RYR2: variants seen among roughly 807,000 people sequenced by gnomAD.
RYR2 encodes cardiac muscle ryanodine receptor-calcium release channel.
A neutral mutation model predicts 601.1 loss-of-function variants in RYR2; 227 were observed. That is an observed-to-expected ratio of 0.38 (90% CI 0.34 to 0.42). The LOEUF (loss-of-function observed/expected upper bound fraction) is 0.42, where lower values mean the gene tolerates loss of function less well. Among genes scored for constraint, RYR2 ranks in the 10% least tolerant of loss-of-function variants. The pLI, the probability that RYR2 is intolerant of heterozygous loss-of-function variation, is 1.00. For missense variants in RYR2, 4,646 were observed against 6,156.5 expected, an observed-to-expected ratio of 0.75 and a Z score of 8.21; for synonymous variants, 2,223 against 2,175.1, an observed-to-expected ratio of 1.02 and a Z score of -0.61.
At position 237,828,409 on chromosome 1, in the gene RYR2, A is replaced by G. The variant is rs760442209; in HGVS notation, c.14619A>G (p.Leu4873=). The G allele has an allele frequency of 6.4e-7, 1 of 1,567,124 alleles. No individual in the cohort carries two copies. The highest frequency in any genetic ancestry group is 1.2e-5 in the South Asian group (1 of 84,998). The change falls in exon 102 of 105, where the codon CTA becomes CTG. Residue 4873 remains leucine (L), a synonymous_variant. Transcript: ENST00000366574. The part of the protein sequence containing the change: ...QGLIIDAFGE[L]RDQQEQVKED... ...TAATTATTGATGCTTTTGGAGAACTAAGAGACCAACAGGAACAAGTCAAAG... is the reference window on the plus strand; with the variant it reads ...TAATTATTGATGCTTTTGGAGAACTGAGAGACCAACAGGAACAAGTCAAAG...
intron 97 of RYR2, among the ~76,000 whole-genome samples, chr1:237,801,341 G>A (rs2149416793): frequency 7.6e-6 from 1 of 131,090 alleles, no homozygotes; most frequent in Non-Finnish European, 1.5e-5. Flanking sequence ...GACCAGCCTG[G>A]CCAACATGAT....
intron 3 of RYR2, among the ~76,000 whole-genome samples, chr1:237,334,373 T>C (rs1293440436): frequency 6.6e-6 from 1 of 151,764 alleles, no homozygotes; most frequent in Non-Finnish European, 1.5e-5. Context: ...ACTCATATTT[T>C]TGTGGCACCA....
intron 84 of RYR2, among the ~76,000 whole-genome samples, chr1:237,768,378 G>C (rs2250036): frequency 6.6e-6 from 1 of 151,896 alleles, no homozygotes; most frequent in Non-Finnish European, 1.5e-5. Flanking sequence ...GACAGGGTAC[G>C]TGTTATCTTT....
chr1:237,491,314 G>A (rs1663311806), intron 17 of RYR2, among the ~76,000 whole-genome samples: 1 of 152,098 alleles, frequency 6.6e-6, no homozygotes, highest in Admixed American at 6.5e-5. Flanking sequence ...GGATTGGGAT[G>A]CACTGTTGCA....
intron 1 of RYR2, among the ~76,000 whole-genome samples, chr1:237,206,193 C>T (rs531611738): frequency 4.6e-5 from 7 of 152,216 alleles, no homozygotes; most frequent in South Asian, 4.1e-4. Context: ...CCAGGGGGAC[C>T]GTGAGCCACT....
At chr1:237,205,213 G>T (rs1350008702) in intron 1 of RYR2, among the ~76,000 whole-genome samples, 1 of 152,222 alleles carries the variant, frequency 6.6e-6, no homozygotes, top group Non-Finnish European at 1.5e-5. Flanking sequence ...AATGGGCTAC[G>T]CTGGTTGGTG....
chr1:237,761,344 A>T (rs142668998), intron 84 of RYR2, among the ~76,000 whole-genome samples: 9 of 152,320 alleles, frequency 5.9e-5, no homozygotes, highest in Non-Finnish European at 1.2e-4. Context: ...CATAAACCAC[A>T]TAGATGAACC....
intron 63 of RYR2, among the ~76,000 whole-genome samples, chr1:237,694,417 A>G (rs1053218569): frequency 1.3e-5 from 2 of 152,180 alleles, no homozygotes; most frequent in Non-Finnish European, 2.9e-5. Context: ...GCAATCTGTA[A>G]CTATTTTCTT....
chr1:237,580,274 A>G (rs1253201699), intron 29 of RYR2, among the ~76,000 whole-genome samples: 2 of 148,186 alleles, frequency 1.3e-5, no homozygotes, highest in East Asian at 2.0e-4. Flanking sequence ...TCCTGCTTCA[A>G]CCTCCTGAGT....
At chr1:237,400,544 C>T (rs184815612) in intron 10 of RYR2, among the ~76,000 whole-genome samples, 18 of 152,100 alleles carry the variant, frequency 1.2e-4, no homozygotes, top group African/African-American at 3.9e-4. Context: ...TACTGCTTTA[C>T]CAAGAATGAT....
In RYR2 at chr1:237,593,581, A is replaced by G. The variant is rs778794737; in HGVS notation, c.4381A>G (p.Arg1461Gly). The G allele has an allele frequency of 1.9e-6, 3 of 1,613,844 alleles. No homozygotes were observed. Among genetic ancestry groups the G allele is most frequent in the Non-Finnish European group, 2.5e-6 (3 of 1,179,852 alleles). Residue 1461 changes from arginine to glycine, a missense_variant, in exon 33 of 105, where the codon AGA becomes GGA. Arg to Gly is a moderately radical substitution (Grantham distance 125, BLOSUM62 -2). Coordinates refer to ENST00000366574, the MANE Select transcript of RYR2 (RefSeq NM_001035.3). Reference protein sequence around the residue: ...HQYDTGFDLDRVRTVTVTLGD... With the variant: ...HQYDTGFDLDGVRTVTVTLGD... Reference sequence around the variant, plus strand: ...GTATGACACAGGCTTTGACTTGGACAGAGTTCGCACAGTAACAGTTACTCT... The same window carrying G: ...GTATGACACAGGCTTTGACTTGGACGGAGTTCGCACAGTAACAGTTACTCT...
chr1:237,243,083 C>T (rs959730202), intron 1 of RYR2, among the ~76,000 whole-genome samples: 1 of 151,902 alleles, frequency 6.6e-6, no homozygotes, highest in African/African-American at 2.4e-5. Context: ...TCTCCAACTG[C>T]TATTTTCCCC....
intron 30 of RYR2, 45 bp from the exon 31 acceptor site, chr1:237,590,595 G>T: frequency 6.9e-7 from 1 of 1,442,540 alleles, no homozygotes; most frequent in South Asian, 1.5e-5. Context: ...TCAGGAAATT[G>T]ACAATGGTGA....
chr1:237,578,804 C>T (rs965477775), intron 29 of RYR2, among the ~76,000 whole-genome samples: 2 of 151,752 alleles, frequency 1.3e-5, no homozygotes, highest in African/African-American at 4.8e-5. Flanking sequence ...GGCATGTACG[C>T]TCCCTCAGTG....
intron 25 of RYR2, among the ~76,000 whole-genome samples, chr1:237,538,394 C>T (rs1366822814): frequency 1.1e-3 from 35 of 32,852 alleles, no homozygotes; most frequent in South Asian, 2.4e-3. Context: ...GACTCTGTCT[C>T]AAAAAAAAAA....
At chr1:237,380,359 AATATAT>A (rs57204036) in intron 8 of RYR2, among the ~76,000 whole-genome samples, 36 of 29,256 alleles carry the variant, frequency 1.2e-3, no homozygotes, top group Non-Finnish European at 1.7e-3. Context: ...AGAATACACA[AATATAT>A]ATATATATAT....
intron 44 of RYR2, among the ~76,000 whole-genome samples, chr1:237,637,521 C>G (rs1680997828): frequency 6.6e-6 from 1 of 152,194 alleles, no homozygotes. Flanking sequence ...GTAAAAGTAA[C>G]TGCTCAAAAT....
At chr1:237,534,725 T>C (rs542118819) in intron 25 of RYR2, among the ~76,000 whole-genome samples, 2 of 152,194 alleles carry the variant, frequency 1.3e-5, no homozygotes, top group South Asian at 4.1e-4. Flanking sequence ...CCCATATTTC[T>C]TGATCTTGCT....
At chr1:237,748,238 G>A (rs1006637438) in intron 80 of RYR2, among the ~76,000 whole-genome samples, 1 of 152,138 alleles carries the variant, frequency 6.6e-6, no homozygotes, top group Non-Finnish European at 1.5e-5. Flanking sequence ...AGTACAGTGT[G>A]TTGCTCAGTT....
Sources: gnomAD v4.1 joint callset for allele counts (sites outside exome capture counted in the v4.1 genomes callset) on GRCh38, gnomAD v4.1.1 for gene constraint, MANE v1.5 for transcripts, NCBI Gene and HGNC (gene_info 2026-07-23, HGNC 2026-07-21) for gene names.